MAN1A2: variants seen among roughly 807,000 people sequenced by gnomAD.
MAN1A2 encodes mannosidase alpha class 1A member 2, also known as mannosyl-oligosaccharide 1,2-alpha-mannosidase IB.
A neutral mutation model predicts 75.7 loss-of-function variants in MAN1A2; 26 were observed. The ratio of observed to expected loss-of-function variants is 0.34; its 90% CI spans 0.25 to 0.48. MAN1A2 has a LOEUF of 0.48. Ranked by LOEUF, MAN1A2 falls within the 20% of genes least tolerant of loss-of-function variation. The pLI, the probability that MAN1A2 is intolerant of heterozygous loss-of-function variation, is 0.99. For missense variants in MAN1A2, 562 were observed against 775.5 expected (o/e 0.72, Z 3.27); for synonymous variants, 247 against 264.6 (o/e 0.93, Z 0.65).
At chr1:117,401,147 G>GTT (rs767056945) in intron 1 of MAN1A2, among the ~76,000 whole-genome samples, 7 of 135,192 alleles carry the variant, frequency 5.2e-5, no homozygotes, top group African/African-American at 8.1e-5. Context: ...TTGTATAAAG[G>GTT]TTTTTTTTTT....
chr1:117,392,393 TA>T (rs1653752122), intron 1 of MAN1A2, among the ~76,000 whole-genome samples: 1 of 152,182 alleles, frequency 6.6e-6, no homozygotes, highest in South Asian at 2.1e-4. Context: ...TTTCCCTATG[TA>T]AATCTGCTTT....
chr1:117,488,213 C>CTTTTTTTTTTTTTT (rs35480509), intron 8 of MAN1A2, among the ~76,000 whole-genome samples: 1 of 145,520 alleles, frequency 6.9e-6, no homozygotes, highest in Non-Finnish European at 1.5e-5. Flanking sequence ...AAGCAAATGG[C>CTTTTTTTTTTTTTT]TTTTTTTTTT....
chr1:117,427,795 C>G (rs577255498), intron 5 of MAN1A2, among the ~76,000 whole-genome samples: 86 of 152,248 alleles, frequency 5.6e-4, no homozygotes, highest in African/African-American at 2.0e-3. Context: ...TCATCAGAAA[C>G]CACAGAGATT....
chr1:117,426,640 G>T (rs913295833), intron 5 of MAN1A2, among the ~76,000 whole-genome samples: 4 of 152,082 alleles, frequency 2.6e-5, no homozygotes, highest in African/African-American at 4.8e-5. Flanking sequence ...TGAATAGCTC[G>T]TGTAATTTAT....
At chr1:117,452,828 G>A (rs551217817) in intron 6 of MAN1A2, among the ~76,000 whole-genome samples, 2 of 152,234 alleles carry the variant, frequency 1.3e-5, no homozygotes, top group African/African-American at 4.8e-5. Context: ...GATTTTCAGT[G>A]TAGATGAAAC....
In MAN1A2 at chr1:117,463,196, G is replaced by GA. The variant is rs1010296738; in HGVS notation, c.1074+2590dup. Among the ~76,000 whole-genome samples the GA allele has an allele frequency of 2.2e-4, 33 of 151,410 alleles. 1 individual carries two copies. The South Asian group carries it at 4.4e-3, about 20-fold the overall frequency. ...AATTCATCAAAGGCAATAAAAGAAG[G>GA]AAAAAATGTAACTTCATGTCATATT... On this transcript the variant is annotated intron_variant, in intron 7 of 12. Coordinates refer to ENST00000356554, the MANE Select transcript of MAN1A2 (RefSeq NM_006699.5).
At chr1:117,500,086 G>A (rs1651153882) in intron 11 of MAN1A2, among the ~76,000 whole-genome samples, 1 of 151,824 alleles carries the variant, frequency 6.6e-6, no homozygotes, top group Non-Finnish European at 1.5e-5. Flanking sequence ...TGCCCAGACA[G>A]GAATGTATGA....
chr1:117,463,429 TC>T (rs1649886752), intron 7 of MAN1A2, among the ~76,000 whole-genome samples: 1 of 151,922 alleles, frequency 6.6e-6, no homozygotes, highest in South Asian at 2.1e-4. Flanking sequence ...CTCTCATCCT[TC>T]CTGAACACAT....
chr1:117,424,378 G>A (rs959851017), intron 5 of MAN1A2, among the ~76,000 whole-genome samples: 1 of 152,104 alleles, frequency 6.6e-6, no homozygotes, highest in African/African-American at 2.4e-5. Context: ...CCACGATCAT[G>A]GCATATGGCT....
intron 6 of MAN1A2, among the ~76,000 whole-genome samples, chr1:117,453,816 G>C (rs944137963): frequency 5.3e-5 from 8 of 152,202 alleles, no homozygotes; most frequent in African/African-American, 1.9e-4. Flanking sequence ...GCTACAGAGA[G>C]ATCTTTCGTC....
chr1:117,482,992 A>G (rs968876290), intron 8 of MAN1A2, among the ~76,000 whole-genome samples: 4 of 152,128 alleles, frequency 2.6e-5, no homozygotes, highest in Admixed American at 6.6e-5. Flanking sequence ...TTTATTAAAT[A>G]GGGAATCCTT....
intron 5 of MAN1A2, among the ~76,000 whole-genome samples, chr1:117,434,747 CTGTGTGTGTG>C (rs61681259): frequency 0.039 from 5,292 of 135,388 alleles, 143 homozygotes; most frequent in African/African-American, 0.069. Flanking sequence ...TTGGTTACAG[CTGTGTGTGTG>C]TGTGTGTGTG....
chr1:117,429,976 C>T (rs563763393), intron 5 of MAN1A2, among the ~76,000 whole-genome samples: 51 of 62,320 alleles, frequency 8.2e-4, no homozygotes, highest in African/African-American at 2.4e-3. Context: ...GCTGGCCGGG[C>T]GGAGGGCTGA....
chr1:117,442,043 C>A (rs1449319910), intron 5 of MAN1A2, among the ~76,000 whole-genome samples, 188 bp from the exon 6 acceptor site: 1 of 152,076 alleles, frequency 6.6e-6, no homozygotes, highest in African/African-American at 2.4e-5. Context: ...GGTTAGCTTT[C>A]CTTAGTATCC....
intron 12 of MAN1A2, among the ~76,000 whole-genome samples, chr1:117,520,004 G>A (rs1651823836): frequency 2.0e-5 from 3 of 151,870 alleles, no homozygotes. Context: ...TTCATACAAG[G>A]GATGCAGGGA....
At chr1:117,406,522 T>C (rs1385186720) in intron 3 of MAN1A2, among the ~76,000 whole-genome samples, 5 of 152,172 alleles carry the variant, frequency 3.3e-5, no homozygotes, top group Admixed American at 2.6e-4. Flanking sequence ...AGTTTTCTTA[T>C]AATTTGTTCA....
At chr1:117,409,960 C>T (rs1324144853) in intron 3 of MAN1A2, among the ~76,000 whole-genome samples, 2 of 151,710 alleles carry the variant, frequency 1.3e-5, no homozygotes, top group Non-Finnish European at 2.9e-5. Context: ...CAGAGAATAC[C>T]AAAATCCATG....
At chr1:117,408,821 T>C (rs1647708292) in intron 3 of MAN1A2, among the ~76,000 whole-genome samples, 1 of 152,046 alleles carries the variant, frequency 6.6e-6, no homozygotes, top group Non-Finnish European at 1.5e-5. Flanking sequence ...ATTTCTCTAA[T>C]AGTAAGGACC....
At chr1:117,377,766 T>C (rs1557925267) in intron 1 of MAN1A2, among the ~76,000 whole-genome samples, 1 of 152,242 alleles carries the variant, frequency 6.6e-6, no homozygotes, top group Non-Finnish European at 1.5e-5. Context: ...TTCATAGTTT[T>C]ATAATAGTAT....
Sources: gnomAD v4.1 joint callset for allele counts (sites outside exome capture counted in the v4.1 genomes callset) on GRCh38, gnomAD v4.1.1 for gene constraint, MANE v1.5 for transcripts, NCBI Gene and HGNC (gene_info 2026-07-23, HGNC 2026-07-21) for gene names.